The following PTPRN2 variants were observed in gnomAD, a reference collection of about 807,000 sequenced individuals.
PTPRN2 encodes the protein protein tyrosine phosphatase receptor type N2, also known as receptor-type tyrosine-protein phosphatase N2.
A neutral mutation model predicts 118.8 loss-of-function variants in PTPRN2; 74 were observed. That is an observed-to-expected ratio of 0.62 (90% CI 0.52 to 0.76). PTPRN2 has a LOEUF of 0.76. Ranked by LOEUF, PTPRN2 falls within the 30% of genes least tolerant of loss-of-function variation. The probability of loss-of-function intolerance (pLI) is 0.00; values close to 1 mark genes in which losing one functional copy is unlikely to be tolerated. For missense variants in PTPRN2, 1,481 were observed against 1,394.4 expected, an observed-to-expected ratio of 1.06 and a Z score of -0.99; for synonymous variants, 641 against 608.0, an observed-to-expected ratio of 1.05 and a Z score of -0.80.
chr7:157,911,422 C>G (rs975657128), intron 11 of PTPRN2, among the ~76,000 whole-genome samples: 4 of 152,196 alleles, frequency 2.6e-5, no homozygotes, highest in African/African-American at 7.2e-5. Context: ...ATGTGTATAA[C>G]GTTCAGTGTT....
intron 11 of PTPRN2, among the ~76,000 whole-genome samples, chr7:158,074,055 C>CA (rs1812155061): frequency 6.6e-6 from 1 of 152,248 alleles, no homozygotes; most frequent in South Asian, 2.1e-4. Context: ...GTCCTCCCGT[C>CA]AGTCTCTAAC....
chr7:157,908,148 C>T (rs1344340921), intron 11 of PTPRN2, among the ~76,000 whole-genome samples: 1 of 152,240 alleles, frequency 6.6e-6, no homozygotes, highest in Non-Finnish European at 1.5e-5. Context: ...GCATCTCATT[C>T]TCTGCTCTGG....
Position 158,171,157 on chromosome 7 carries a change from T to A in PTPRN2, c.550-3866A>T, listed in dbSNP as rs565446213. ...ATATACACACATATATATACACATA[T>A]ATATACACACATATATACACATATA... is the stretch of plus-strand genomic sequence containing the variant. On this transcript the variant is annotated intron_variant, in intron 5 of 22. Transcript: ENST00000389418. Among the ~76,000 whole-genome samples the A allele has an allele frequency of 2.8e-5, 4 of 142,614 alleles. No homozygotes were observed. The South Asian group carries it at 9.1e-4, about 33-fold the overall frequency. The allele number at this position is 142,614 out of a possible 152,430, so 93.6% of individuals were successfully genotyped here.
rs182472701 is a variant in PTPRN2 at position 158,022,395 on chromosome 7, C to T, written c.1723+58903G>A. Among the ~76,000 whole-genome samples, 89 of 152,300 alleles carry T rather than the reference C, an allele frequency of 5.8e-4. No individual in the cohort carries two copies. Among genetic ancestry groups the T allele is most frequent in the Admixed American group, 2.9e-3 (45 of 15,296 alleles). On this transcript the variant is annotated intron_variant, in intron 11 of 22. Coordinates refer to ENST00000389418, the MANE Select transcript of PTPRN2 (RefSeq NM_002847.5). The surrounding 1 kb of genome is among the most constrained non-coding windows in gnomAD (Gnocchi z 4.6). ...CACTCTCCAGTTCCATGATTTCCCACGGTGATTACTGAGGGAAGACCAGCG... is the reference window on the plus strand; with the variant it reads ...CACTCTCCAGTTCCATGATTTCCCATGGTGATTACTGAGGGAAGACCAGCG...
chr7:157,931,743 A>G (rs1799369825), intron 11 of PTPRN2, among the ~76,000 whole-genome samples: 1 of 152,094 alleles, frequency 6.6e-6, no homozygotes, highest in African/African-American at 2.4e-5. Context: ...TGAATAAATG[A>G]CTAGAGCTTA....
At chr7:158,243,843 C>T (rs1563027935) in intron 3 of PTPRN2, among the ~76,000 whole-genome samples, 1 of 152,150 alleles carries the variant, frequency 6.6e-6, no homozygotes, top group Admixed American at 6.5e-5. Context: ...CTGCTAAGCA[C>T]TAAGTACCTC....
At chr7:158,401,853 A>C (rs79151292) in intron 2 of PTPRN2, among the ~76,000 whole-genome samples, 4,591 of 152,224 alleles carry the variant, frequency 0.03, 88 homozygotes, top group Middle Eastern at 0.078. Context: ...AGTGGAGGGA[A>C]GACAAAACGA....
chr7:158,388,719 C>G (rs1811698154), intron 2 of PTPRN2, among the ~76,000 whole-genome samples: 1 of 152,184 alleles, frequency 6.6e-6, no homozygotes. Flanking sequence ...AAAGGCCCAA[C>G]CATCTAATGG....
rs927914715 is a variant in PTPRN2 at position 157,595,315 on chromosome 7, T to C, written c.2419A>G (p.Met807Val). ...HSDYINASPIMDHDPRNPAYI... is the reference protein window; with the variant it reads ...HSDYINASPIVDHDPRNPAYI... Reference sequence around the variant, plus strand: ...GCGGGGTTCCTCGGGTCGTGATCCATCTGCAGAGACAAGACCACACCACAG... The same window carrying C: ...GCGGGGTTCCTCGGGTCGTGATCCACCTGCAGAGACAAGACCACACCACAG... The change falls in exon 17 of 23, where the codon ATG becomes GTG. Residue 807 changes from methionine to valine, a missense_variant and splice_region_variant. This residue lies in a region of PTPRN2 where 362 missense variants were observed against 384.1 expected (regional missense o/e 0.94). Transcript: ENST00000389418. 20 of 1,613,952 alleles carry C rather than the reference T, an allele frequency of 1.2e-5. No individual in the cohort carries two copies. Among genetic ancestry groups the C allele is most frequent in the Non-Finnish European group, 1.7e-5 (20 of 1,179,968 alleles).
At chr7:157,553,050 T>C (rs1056897350) in intron 21 of PTPRN2, among the ~76,000 whole-genome samples, 1 of 152,214 alleles carries the variant, frequency 6.6e-6, no homozygotes, top group Non-Finnish European at 1.5e-5. Flanking sequence ...CAGCGGCTTC[T>C]ACGGGGACCC....
chr7:157,902,596 C>G (rs893739005), intron 11 of PTPRN2, among the ~76,000 whole-genome samples: 2 of 152,024 alleles, frequency 1.3e-5, no homozygotes, highest in South Asian at 4.2e-4. Context: ...TCACCGTGGC[C>G]TCAAGAGCAC....
intron 11 of PTPRN2, among the ~76,000 whole-genome samples, chr7:157,947,316 TA>T (rs1193258995): frequency 1.3e-5 from 2 of 152,204 alleles, no homozygotes; most frequent in Non-Finnish European, 2.9e-5. Flanking sequence ...TGGGATTCTG[TA>T]GTCTAATTTT....
chr7:157,824,883 T>G (rs1045297523), intron 12 of PTPRN2, among the ~76,000 whole-genome samples: 2 of 152,184 alleles, frequency 1.3e-5, no homozygotes, highest in Non-Finnish European at 2.9e-5. Context: ...CACTTCCACA[T>G]GCTGAATGAA....
At position 157,784,312 on chromosome 7, in the gene PTPRN2, C is replaced by T. The variant is rs1428178959; in HGVS notation, c.1789-101375G>A. On this transcript the variant is annotated intron_variant, in intron 12 of 22. Transcript: ENST00000389418. This position sits in a 1 kb window ranked among gnomAD's most constrained non-coding sequence, Gnocchi z 4.6. ...CCCACCTCTGGGGTCTCAGCATCTG[C>T]ACAGTGACGGATTAGGGGGGCGGTT... 2.0e-5 allele frequency among the ~76,000 whole-genome samples: 3 copies of T among 152,150 alleles called. No individual in the cohort carries two copies. Among genetic ancestry groups the T allele is most frequent in the Non-Finnish European group, 4.4e-5 (3 of 68,040 alleles).
chr7:157,597,645 G>T (rs950251391), intron 16 of PTPRN2, among the ~76,000 whole-genome samples: 4 of 152,210 alleles, frequency 2.6e-5, no homozygotes, highest in Admixed American at 6.5e-5. Flanking sequence ...TGTTGATTTA[G>T]GTCTGAGTTG....
intron 12 of PTPRN2, among the ~76,000 whole-genome samples, chr7:157,743,723 C>T (rs765398859): frequency 7.9e-5 from 12 of 151,906 alleles, no homozygotes; most frequent in African/African-American, 1.5e-4. Flanking sequence ...CTGGCAAGTC[C>T]GTGGCTGGGA....
chr7:158,270,356 G>C (rs967902727), intron 3 of PTPRN2, among the ~76,000 whole-genome samples: 1 of 152,178 alleles, frequency 6.6e-6, no homozygotes, highest in African/African-American at 2.4e-5. Flanking sequence ...TGGGAGCACA[G>C]GCATGGTTCT....
rs539983204 is a variant in PTPRN2 at position 158,119,694 on chromosome 7, A to G, written c.1557-8779T>C. Among the ~76,000 whole-genome samples, 218 of 152,192 alleles carry G rather than the reference A, an allele frequency of 1.4e-3. No individual in the cohort carries two copies. In the Middle Eastern group the frequency reaches 0.027, roughly 19 times the overall value. On this transcript the variant is annotated intron_variant, in intron 9 of 22. Coordinates refer to ENST00000389418, the MANE Select transcript of PTPRN2 (RefSeq NM_002847.5). ...GTTATAATTGTTCTATTTTATCACT[A>G]CTGTTGTTAATCTCATACTCTAATT...
At chr7:157,918,455 G>A (rs1032976666) in intron 11 of PTPRN2, among the ~76,000 whole-genome samples, 2 of 152,312 alleles carry the variant, frequency 1.3e-5, no homozygotes, top group East Asian at 1.9e-4. Context: ...TGTGATTAAC[G>A]AGAAACACAC....
Sources: allele counts gnomAD v4.1 joint callset (sites outside exome capture counted in the v4.1 genomes callset), GRCh38; gene constraint gnomAD v4.1.1; regional missense constraint gnomAD v4.1.1; non-coding constraint Gnocchi (gnomAD v3.1); transcripts MANE v1.5; gene names NCBI Gene and HGNC (gene_info 2026-07-23, HGNC 2026-07-21).